Variants in C8orf34 observed in about 807,000 individuals in gnomAD.
The protein encoded by C8orf34 is uncharacterized protein C8orf34.
Under a neutral mutation model 68.3 loss-of-function variants are expected in C8orf34, and 65 were observed. That is an observed-to-expected ratio of 0.95 (90% CI 0.78 to 1.17). The LOEUF is 1.17. Among genes scored for constraint, C8orf34 ranks in the 50% most tolerant of loss-of-function variants. The pLI is 0.00. For missense variants in C8orf34, 664 were observed against 655.4 expected (o/e 1.01, Z -0.14); for synonymous variants, 244 against 241.2 (o/e 1.01, Z -0.11).
intron 8 of C8orf34, among the ~76,000 whole-genome samples, chr8:68,649,295 G>C (rs1819273258): frequency 6.6e-6 from 1 of 152,164 alleles, no homozygotes; most frequent in Admixed American, 6.5e-5. Context: ...ATTACTCTGT[G>C]TCAGATACTG....
rs915557234 is a variant in C8orf34, at chr8:68,439,328, A to G, written c.328-171A>G. On this transcript the variant is annotated intron_variant, in intron 1 of 13. Transcript: ENST00000518698. ...TACTTCTCTGTTATTGTTTCCTCAG[A>G]ATGAGGGCAGTAACTTGTAGCCGTC... 5.7e-6 allele frequency: 3 copies of G among 529,504 alleles called. No individual in the cohort carries two copies. In the Admixed American group the frequency reaches 1.1e-4, roughly 19 times the overall value. The allele number at this position is 529,504 out of a possible 1,614,324, so 32.8% of individuals were successfully genotyped here.
At chr8:68,542,733 A>G (rs1478551447) in intron 7 of C8orf34, among the ~76,000 whole-genome samples, 1 of 152,098 alleles carries the variant, frequency 6.6e-6, no homozygotes, top group Admixed American at 6.5e-5. Context: ...TTATTTATTT[A>G]TTTTTATAAT....
chr8:68,554,354 G>A (rs921651482), intron 7 of C8orf34, among the ~76,000 whole-genome samples: 5 of 152,012 alleles, frequency 3.3e-5, no homozygotes, highest in African/African-American at 7.2e-5. Context: ...GATGACCCTG[G>A]CTTTATTTGA....
At chr8:68,397,322 A>G (rs933380736) in intron 1 of C8orf34, among the ~76,000 whole-genome samples, 8 of 152,070 alleles carry the variant, frequency 5.3e-5, no homozygotes, top group Admixed American at 5.2e-4. Context: ...TTCTTCTCCT[A>G]GTCTCCAAAA....
intron 7 of C8orf34, among the ~76,000 whole-genome samples, chr8:68,610,207 G>A (rs1325568975): frequency 6.6e-6 from 1 of 152,154 alleles, no homozygotes; most frequent in African/African-American, 2.4e-5. Flanking sequence ...ATGCAGTTCA[G>A]TTATTTCTAG....
chr8:68,716,712 T>G (rs1821482964), intron 9 of C8orf34, among the ~76,000 whole-genome samples: 1 of 152,070 alleles, frequency 6.6e-6, no homozygotes, highest in African/African-American at 2.4e-5. Flanking sequence ...TTGGAAAAGT[T>G]TTCCATTATC....
In C8orf34 at chr8:68,731,931, G is replaced by A. The variant is rs894215930; in HGVS notation, c.1404+10494G>A. Among the ~76,000 whole-genome samples the A allele has an allele frequency of 2.6e-5, 4 of 152,228 alleles. No homozygotes were observed. The South Asian group carries it at 6.2e-4, about 24-fold the overall frequency. On this transcript the variant is annotated intron_variant, in intron 10 of 13. Transcript: ENST00000518698. ...GTGACAGAAATGCTGGGACCTCAGC[G>A]TTCCAGTCCTTCTGGTAACTGGTTG...
chr8:68,658,604 T>C lies in C8orf34; in HGVS notation c.1241+18093T>C, dbSNP rs143073146. ...AAAATTTATTCCCTTCTATTTCTTC[T>C]TTTCTCGACATATTCATTCTTTTCT... On this transcript the variant is annotated intron_variant, in intron 8 of 13. Coordinates refer to ENST00000518698, the MANE Select transcript of C8orf34 (RefSeq NM_052958.4). Among the ~76,000 whole-genome samples, 730 of 152,300 alleles carry C rather than the reference T, an allele frequency of 4.8e-3. 7 individuals carry two copies. Among genetic ancestry groups the C allele is most frequent in the African/African-American group, 0.016 (681 of 41,574 alleles).
intron 11 of C8orf34, among the ~76,000 whole-genome samples, chr8:68,786,629 AC>A (rs2129528969): frequency 6.6e-6 from 1 of 152,272 alleles, no homozygotes; most frequent in South Asian, 2.1e-4. Flanking sequence ...TTGTAGAGCT[AC>A]CAGTTAATTA....
chr8:68,564,638 T>A (rs1816530988), intron 7 of C8orf34, among the ~76,000 whole-genome samples: 1 of 152,150 alleles, frequency 6.6e-6, no homozygotes, highest in Non-Finnish European at 1.5e-5. Flanking sequence ...CCACCTCACT[T>A]GTCCTTCCTC....
chr8:68,625,985 A>G (rs529921001), intron 7 of C8orf34, among the ~76,000 whole-genome samples: 1 of 152,310 alleles, frequency 6.6e-6, no homozygotes, highest in Non-Finnish European at 1.5e-5. Context: ...AATTTGCTTC[A>G]TTAAGAATGT....
chr8:68,447,239 A>T (rs1310941061), intron 3 of C8orf34: 1 of 152,210 alleles, frequency 6.6e-6, no homozygotes, highest in Non-Finnish European at 1.5e-5. Flanking sequence ...ACTCCTTACC[A>T]TGAGGACAGC....
At chr8:68,686,214 G>T (rs1221069638) in intron 8 of C8orf34, among the ~76,000 whole-genome samples, 1 of 152,068 alleles carries the variant, frequency 6.6e-6, no homozygotes, top group Non-Finnish European at 1.5e-5. Context: ...GATATTCAAA[G>T]AAGAATTGAT....
At chr8:68,490,599 T>A (rs1813269658) in intron 5 of C8orf34, among the ~76,000 whole-genome samples, 1 of 152,186 alleles carries the variant, frequency 6.6e-6, no homozygotes, top group Admixed American at 6.5e-5. Context: ...TTTTGAAGAC[T>A]TTGTGGAAAC....
intron 7 of C8orf34, among the ~76,000 whole-genome samples, chr8:68,573,086 C>T (rs1816802827): frequency 6.6e-6 from 1 of 152,144 alleles, no homozygotes; most frequent in African/African-American, 2.4e-5. Flanking sequence ...TCCCTGGCCT[C>T]TCTTCATGAC....
At chr8:68,511,956 C>T (rs939497010) in intron 5 of C8orf34, among the ~76,000 whole-genome samples, 2 of 152,134 alleles carry the variant, frequency 1.3e-5, no homozygotes, top group African/African-American at 4.8e-5. Flanking sequence ...TCTGGTTTTG[C>T]TTGATATTTG....
chr8:68,646,593 C>T (rs768715619), intron 8 of C8orf34, among the ~76,000 whole-genome samples: 9 of 152,094 alleles, frequency 5.9e-5, no homozygotes, highest in Non-Finnish European at 1.3e-4. Flanking sequence ...AAATTTTGTA[C>T]ATTTTGACCA....
chr8:68,451,723 G>C (rs1157036169), intron 3 of C8orf34, among the ~76,000 whole-genome samples: 1 of 151,906 alleles, frequency 6.6e-6, no homozygotes, highest in Non-Finnish European at 1.5e-5. Flanking sequence ...CTGATCACTG[G>C]TCACCATCAC....
chr8:68,742,538 C>A lies in C8orf34; in HGVS notation c.1404+21101C>A, dbSNP rs1462055399. 2.0e-5 allele frequency among the ~76,000 whole-genome samples: 3 copies of A among 152,138 alleles called. No individual in the cohort carries two copies. The East Asian group carries it at 5.8e-4, about 29-fold the overall frequency. ...GTTCCAGGTTGGCTCTTGATAGAAT[C>A]CTTTCTCCCCATTTCTAAAAATGTA... On this transcript the variant is annotated intron_variant, in intron 10 of 13. Coordinates refer to ENST00000518698, the MANE Select transcript of C8orf34 (RefSeq NM_052958.4).
Sources: gnomAD v4.1 joint callset for allele counts (sites outside exome capture counted in the v4.1 genomes callset) on GRCh38, gnomAD v4.1.1 for gene constraint, MANE v1.5 for transcripts, NCBI Gene and HGNC (gene_info 2026-07-23, HGNC 2026-07-21) for gene names.